Variants in SMC6 observed in about 807,000 individuals in gnomAD.
SMC6 encodes structural maintenance of chromosomes protein 6.
In SMC6, 79 loss-of-function variants were observed where a neutral mutation model predicts 142.2. The ratio of observed to expected loss-of-function variants is 0.56; its 90% CI spans 0.46 to 0.67. The LOEUF is 0.67. Ranked by LOEUF, SMC6 falls within the 30% of genes least tolerant of loss-of-function variation. The pLI, the probability that SMC6 is intolerant of heterozygous loss-of-function variation, is 0.00. For synonymous variants in SMC6, 411 were observed against 412.4 expected (o/e 1.00, Z 0.04); for missense variants, 1,072 against 1,284.0 (o/e 0.83, Z 2.52).
intron 15 of SMC6, 142 bp from the exon 16 acceptor site, chr2:17,715,207 G>A: frequency 3.9e-6 from 3 of 766,872 alleles, no homozygotes; most frequent in Non-Finnish European, 6.2e-6. Context: ...TTTAATCATA[G>A]TTTATAAATG....
chr2:17,732,464 C>T (rs1018815705), intron 5 of SMC6, among the ~76,000 whole-genome samples: 3 of 152,070 alleles, frequency 2.0e-5, no homozygotes, highest in African/African-American at 7.2e-5. Flanking sequence ...TCTGCGAGGC[C>T]AAGGTGGATG....
intron 9 of SMC6, among the ~76,000 whole-genome samples, chr2:17,722,648 T>C (rs1669429006): frequency 6.6e-6 from 1 of 152,182 alleles, no homozygotes; most frequent in Non-Finnish European, 1.5e-5. Context: ...GAAGATTATG[T>C]CATTAAATAC....
At chr2:17,672,169 T>A (rs1280330959) in intron 25 of SMC6, among the ~76,000 whole-genome samples, 2 of 152,124 alleles carry the variant, frequency 1.3e-5, no homozygotes, top group African/African-American at 4.8e-5. Context: ...GCCCCCACAC[T>A]GTATTTTGCA....
chr2:17,669,363 C>T (rs550314464), intron 26 of SMC6, among the ~76,000 whole-genome samples: 1 of 152,174 alleles, frequency 6.6e-6, no homozygotes, highest in Non-Finnish European at 1.5e-5. Context: ...GGATGTGGTG[C>T]TATGAGTTGA....
intron 24 of SMC6, chr2:17,681,038 T>G (rs1436994836): frequency 6.6e-6 from 1 of 152,222 alleles, no homozygotes; most frequent in Non-Finnish European, 1.5e-5. Context: ...CTTTCATCAG[T>G]TATCTTAGTC....
chr2:17,694,349 A>C (rs904076373), intron 23 of SMC6, among the ~76,000 whole-genome samples: 5 of 152,196 alleles, frequency 3.3e-5, no homozygotes, highest in South Asian at 2.1e-4. Context: ...CCCAACATAA[A>C]GACATAATAA....
At chr2:17,683,844 G>C (rs1431287550) in intron 23 of SMC6, 81 bp from the exon 24 acceptor site, 2 of 1,309,080 alleles carry the variant, frequency 1.5e-6, no homozygotes, top group African/African-American at 3.0e-5. Flanking sequence ...AGATTTAACT[G>C]GGAAGAACAG....
At chr2:17,691,484 C>T (rs923226095) in intron 23 of SMC6, among the ~76,000 whole-genome samples, 53 of 151,344 alleles carry the variant, frequency 3.5e-4, no homozygotes, top group African/African-American at 8.7e-4. Context: ...TCTCAATAGA[C>T]GCAGAAAAGG....
intron 19 of SMC6, among the ~76,000 whole-genome samples, chr2:17,702,747 A>G (rs2124942838): frequency 6.6e-6 from 1 of 152,176 alleles, no homozygotes; most frequent in African/African-American, 2.4e-5. Context: ...TGATGGTTTT[A>G]TAAGGCGTTT....
At chr2:17,751,920 A>T (rs1671059380) in intron 2 of SMC6, among the ~76,000 whole-genome samples, 3 of 152,226 alleles carry the variant, frequency 2.0e-5, no homozygotes, top group Admixed American at 1.3e-4. Context: ...GTTTTACATA[A>T]AATTCTACAG....
rs186144384 is a variant in SMC6 at position 17,725,303 on chromosome 2, A to G, written c.680T>C (p.Met227Thr). ...EQMKEDYSYIMETKERTKEQI... is the reference protein window; with the variant it reads ...EQMKEDYSYITETKERTKEQI... ...CTCCTTTGTTCTTTCTTTCGTTTCC[A>G]TAATGTATGAATAATCTTCCTTCAT... The change falls in exon 9 of 28, where the codon ATG becomes ACG. Residue 227 changes from methionine (M) to threonine (T), a missense_variant. Transcript: ENST00000448223. 2 of 1,609,484 alleles carry G rather than the reference A, an allele frequency of 1.2e-6. No homozygotes were observed. The highest frequency in any genetic ancestry group is 1.3e-5 in the African/African-American group (1 of 74,888).
chr2:17,716,317 C>T, intron 14 of SMC6, 53 bp from the exon 15 acceptor site: 1 of 1,547,824 alleles, frequency 6.5e-7, no homozygotes, highest in Admixed American at 2.1e-5. Flanking sequence ...TTTACAGAAA[C>T]ATTTAACCTT....
At chr2:17,729,684 C>G (rs1187339112) in intron 7 of SMC6, among the ~76,000 whole-genome samples, 1 of 152,190 alleles carries the variant, frequency 6.6e-6, no homozygotes, top group Non-Finnish European at 1.5e-5. Context: ...ATAAATTGTC[C>G]TGCATTCTAG....
chr2:17,731,188 C>A (rs759620558), intron 6 of SMC6, 49 bp from the exon 7 acceptor site: 3 of 1,305,282 alleles, frequency 2.3e-6, no homozygotes, highest in Admixed American at 4.1e-5. Context: ...TAGGGCATAA[C>A]ACAGAAAAAA....
chr2:17,674,073 A>G (rs947811476), intron 25 of SMC6, among the ~76,000 whole-genome samples: 7 of 151,996 alleles, frequency 4.6e-5, no homozygotes, highest in African/African-American at 1.4e-4. Context: ...TTCTGCTCTT[A>G]TATCACTGTA....
intron 25 of SMC6, among the ~76,000 whole-genome samples, chr2:17,678,601 A>G (rs866391776): frequency 4.3e-5 from 6 of 139,614 alleles, no homozygotes; most frequent in African/African-American, 1.7e-4. Context: ...GACCTTGTCT[A>G]TACGGAAAAA....
rs571133263 is a variant in SMC6, at chr2:17,678,435, C to T, written c.2910+424G>A. On this transcript the variant is annotated intron_variant, in intron 25 of 27. Coordinates refer to ENST00000448223, the MANE Select transcript of SMC6 (RefSeq NM_001142286.2). Reference sequence around the variant, plus strand: ...CAAAGACCATCCTTAACTTAAAAATCAAAGACAACAGGTTAAAGTTTATCA... The same window carrying T: ...CAAAGACCATCCTTAACTTAAAAATTAAAGACAACAGGTTAAAGTTTATCA... Among the ~76,000 whole-genome samples, 120 of 152,032 alleles carry T rather than the reference C, an allele frequency of 7.9e-4. 2 individuals carry two copies. Among genetic ancestry groups the T allele is most frequent in the African/African-American group, 2.8e-3 (116 of 41,460 alleles).
intron 2 of SMC6, among the ~76,000 whole-genome samples, chr2:17,751,769 G>A (rs1671052830): frequency 6.6e-6 from 1 of 152,166 alleles, no homozygotes; most frequent in Non-Finnish European, 1.5e-5. Context: ...AAGAACTATG[G>A]CATTTAATTG....
In SMC6 at chr2:17,683,635, T is replaced by C; in HGVS notation, c.2804+3A>G. Reference sequence around the variant, plus strand: ...ATATAGTAACATTTTTCAATGTACTTACCTTCTAAATTGTTGATATGTCTT... The same window carrying C: ...ATATAGTAACATTTTTCAATGTACTCACCTTCTAAATTGTTGATATGTCTT... On this transcript the variant is annotated splice_donor_region_variant and intron_variant, in intron 24 of 27. Transcript: ENST00000448223. 1 of 1,606,676 alleles carries C rather than the reference T, an allele frequency of 6.2e-7. No individual in the cohort carries two copies. Among genetic ancestry groups the C allele is most frequent in the Non-Finnish European group, 8.5e-7 (1 of 1,176,176 alleles).
Sources: allele counts gnomAD v4.1 joint callset (sites outside exome capture counted in the v4.1 genomes callset), GRCh38; gene constraint gnomAD v4.1.1; transcripts MANE v1.5; gene names NCBI Gene and HGNC (gene_info 2026-07-23, HGNC 2026-07-21).